AAK1: variants seen among roughly 807,000 people sequenced by gnomAD.
The protein encoded by AAK1 is AP2 associated kinase 1, also known as AP2-associated protein kinase 1.
A neutral mutation model predicts 116.0 loss-of-function variants in AAK1; 37 were observed. That is an observed-to-expected ratio of 0.32 (90% CI 0.25 to 0.42). The LOEUF (loss-of-function observed/expected upper bound fraction) is 0.42, where lower values mean the gene tolerates loss of function less well. Among genes scored for constraint, AAK1 ranks in the 10% least tolerant of loss-of-function variants. The pLI is 1.00. For synonymous variants in AAK1, 458 were observed against 439.9 expected (o/e 1.04, Z -0.51); for missense variants, 919 against 1,170.6 (o/e 0.79, Z 3.14).
At chr2:69,480,826 C>A (rs1364994107) in intron 19 of AAK1, 34 bp downstream of exon 19, 1 of 1,538,668 alleles carries the variant, frequency 6.5e-7, no homozygotes, top group Non-Finnish European at 8.8e-7. Context: ...ACCACACCGA[C>A]CAGTCCCTGC....
chr2:69,542,187 T>C (rs1670750017), intron 5 of AAK1, among the ~76,000 whole-genome samples: 1 of 152,186 alleles, frequency 6.6e-6, no homozygotes, highest in East Asian at 1.9e-4. Flanking sequence ...AATAAGACTT[T>C]AAAAACCAAG....
At chr2:69,499,677 G>A (rs565353971) in intron 16 of AAK1, among the ~76,000 whole-genome samples, 1 of 152,168 alleles carries the variant, frequency 6.6e-6, no homozygotes, top group South Asian at 2.1e-4. Flanking sequence ...AGGAGGAAAA[G>A]AAGGATAAAA....
chr2:69,610,959 T>C (rs1239574120), intron 2 of AAK1, among the ~76,000 whole-genome samples: 3 of 152,222 alleles, frequency 2.0e-5, no homozygotes, highest in African/African-American at 4.8e-5. Flanking sequence ...GAAAATGGTA[T>C]GCCAATTCCT....
In AAK1 at chr2:69,465,249, G is replaced by T; in HGVS notation, c.*10620C>A. ...ACAAAAATGAACATAACTTAAAGGGGCTTCAACTAAATATCACTGCAACTG... is the reference window on the plus strand; with the variant it reads ...ACAAAAATGAACATAACTTAAAGGGTCTTCAACTAAATATCACTGCAACTG... On this transcript the variant is annotated 3_prime_UTR_variant, in exon 22 of 22. Transcript: ENST00000409085. 2 of 443,508 alleles carry T rather than the reference G, an allele frequency of 4.5e-6. No individual in the cohort carries two copies. Among genetic ancestry groups the T allele is most frequent in the Non-Finnish European group, 7.4e-6 (2 of 271,104 alleles). 27.5% of individuals were successfully genotyped at this position (443,508 alleles called of 1,614,324 possible). A position where few individuals can be genotyped will look rare whatever the true frequency, so the allele number is the denominator to read the frequency against.
chr2:69,507,751 C>T (rs879812390), intron 14 of AAK1, among the ~76,000 whole-genome samples, 173 bp from the exon 15 acceptor site: 1 of 150,424 alleles, frequency 6.6e-6, no homozygotes, highest in African/African-American at 2.5e-5. Context: ...CTTTCACCCA[C>T]GTTGGAGCAC....
intron 2 of AAK1, among the ~76,000 whole-genome samples, chr2:69,634,198 GA>G (rs1176982623): frequency 6.6e-5 from 10 of 152,294 alleles, no homozygotes; most frequent in African/African-American, 1.9e-4. Flanking sequence ...AATGTTATGA[GA>G]AAAGATACTG....
At chr2:69,513,965 G>T (rs1676487422) in intron 13 of AAK1, among the ~76,000 whole-genome samples, 1 of 152,192 alleles carries the variant, frequency 6.6e-6, no homozygotes, top group African/African-American at 2.4e-5. Context: ...TACCCAGGGG[G>T]ATTACACCAG....
Position 69,458,719 on chromosome 2 carries a change from A to ACACG in AAK1, c.*17149_*17150insCGTG, listed in dbSNP as rs1674270309. ...TGAAGATGAATGAGCACACACACAC[A>ACACG]CACACACACCCCATTCACACTCAAA... is the stretch of plus-strand genomic sequence containing the variant. On this transcript the variant is annotated 3_prime_UTR_variant, in exon 22 of 22. Coordinates refer to ENST00000409085, the MANE Select transcript of AAK1 (RefSeq NM_014911.5). 1 of 152,564 alleles carries ACACG rather than the reference A, an allele frequency of 6.6e-6. No homozygotes were observed. Among genetic ancestry groups the ACACG allele is most frequent in the African/African-American group, 2.4e-5 (1 of 41,392 alleles). 9.5% of individuals were successfully genotyped at this position (152,564 alleles called of 1,614,324 possible).
intron 2 of AAK1, among the ~76,000 whole-genome samples, chr2:69,587,415 A>G (rs900112217): frequency 6.6e-5 from 10 of 151,346 alleles, no homozygotes; most frequent in Non-Finnish European, 8.8e-5. Flanking sequence ...ACACATGTGT[A>G]TATATACACA....
chr2:69,525,676 G>C (rs923054839), intron 9 of AAK1, among the ~76,000 whole-genome samples: 1 of 152,164 alleles, frequency 6.6e-6, no homozygotes, highest in Non-Finnish European at 1.5e-5. Flanking sequence ...AGTTCCTCTG[G>C]CTTGAAATCT....
intron 3 of AAK1, among the ~76,000 whole-genome samples, chr2:69,545,541 A>T (rs1670887813): frequency 1.3e-5 from 2 of 152,244 alleles, no homozygotes; most frequent in South Asian, 4.1e-4. Flanking sequence ...CCGTGAGAAC[A>T]GAAACTACCA....
intron 2 of AAK1, among the ~76,000 whole-genome samples, chr2:69,627,476 G>A (rs901002876): frequency 6.6e-6 from 1 of 152,114 alleles, no homozygotes; most frequent in East Asian, 1.9e-4. Context: ...AGTGAGCTCT[G>A]AATGACAAAA....
At chr2:69,584,822 G>A (rs1672695432) in intron 2 of AAK1, among the ~76,000 whole-genome samples, 3 of 152,130 alleles carry the variant, frequency 2.0e-5, no homozygotes, top group South Asian at 4.1e-4. Context: ...TACTCACCAG[G>A]AAATCTAAAG....
intron 2 of AAK1, among the ~76,000 whole-genome samples, chr2:69,586,375 T>C (rs1009245740): frequency 3.9e-5 from 6 of 152,098 alleles, no homozygotes; most frequent in Admixed American, 3.3e-4. Context: ...AACCATGGGC[T>C]TTGGAGGCAA....
chr2:69,574,608 G>T (rs1012633651), intron 2 of AAK1, among the ~76,000 whole-genome samples: 1 of 150,728 alleles, frequency 6.6e-6, no homozygotes, highest in Non-Finnish European at 1.5e-5. Context: ...GAGAGAGAGA[G>T]ATATTTGGCT....
At chr2:69,483,727 A>G (rs1675184262) in intron 17 of AAK1, among the ~76,000 whole-genome samples, 1 of 152,198 alleles carries the variant, frequency 6.6e-6, no homozygotes, top group Non-Finnish European at 1.5e-5. Flanking sequence ...ACATGCTGGC[A>G]GTCATATTAT....
intron 4 of AAK1, chr2:69,544,212 C>T: frequency 2.1e-6 from 1 of 474,148 alleles, no homozygotes. Flanking sequence ...ATACAAACAC[C>T]AAACCTTCCC....
chr2:69,529,067 G>T (rs1217726833), intron 8 of AAK1, among the ~76,000 whole-genome samples: 1 of 152,172 alleles, frequency 6.6e-6, no homozygotes, highest in East Asian at 1.9e-4. Context: ...CTTAAAAGCT[G>T]TATCTATGTT....
intron 2 of AAK1, among the ~76,000 whole-genome samples, chr2:69,603,786 G>A (rs1470124315): frequency 6.6e-6 from 1 of 152,132 alleles, no homozygotes; most frequent in Non-Finnish European, 1.5e-5. Context: ...AGGCTACACA[G>A]CGTAAGGAGC....
Sources: allele counts gnomAD v4.1 joint callset (sites outside exome capture counted in the v4.1 genomes callset), GRCh38; gene constraint gnomAD v4.1.1; transcripts MANE v1.5; gene names NCBI Gene and HGNC (gene_info 2026-07-23, HGNC 2026-07-21).